The following CSMD1 variants were observed in gnomAD, a reference collection of about 807,000 sequenced individuals.
The protein encoded by CSMD1 is CUB and sushi domain-containing protein 1.
Under a neutral mutation model 417.5 loss-of-function variants are expected in CSMD1, and 213 were observed. That is an observed-to-expected ratio of 0.51 (90% CI 0.46 to 0.57). CSMD1 has a LOEUF of 0.57. Ranked by LOEUF, CSMD1 falls within the 20% of genes least tolerant of loss-of-function variation. The pLI, the probability that CSMD1 is intolerant of heterozygous loss-of-function variation, is 0.00. For missense variants in CSMD1, 6,923 were observed against 4,529.7 expected (o/e 1.53, Z -15.17); for synonymous variants, 2,862 against 1,736.8 (o/e 1.65, Z -16.11).
At chr8:3,863,691 G>A (rs1374678367) in intron 5 of CSMD1, among the ~76,000 whole-genome samples, 3 of 152,036 alleles carry the variant, frequency 2.0e-5, no homozygotes, top group Non-Finnish European at 4.4e-5. Context: ...TATGCTCAGT[G>A]AACAAAAGAA....
At chr8:4,629,001 T>C (rs1454769465) in intron 2 of CSMD1, among the ~76,000 whole-genome samples, 1 of 152,174 alleles carries the variant, frequency 6.6e-6, no homozygotes, top group Non-Finnish European at 1.5e-5. Flanking sequence ...AAATAAAATG[T>C]CATTGTTTTT....
intron 1 of CSMD1, among the ~76,000 whole-genome samples, chr8:4,804,187 T>G (rs1359442666): frequency 1.3e-5 from 2 of 152,170 alleles, no homozygotes; most frequent in African/African-American, 4.8e-5. Context: ...AATAATGAAT[T>G]AATTTTCAGG....
At chr8:4,011,079 G>T (rs1187263988) in intron 4 of CSMD1, among the ~76,000 whole-genome samples, 1 of 152,082 alleles carries the variant, frequency 6.6e-6, no homozygotes, top group Non-Finnish European at 1.5e-5. Context: ...GATGACTTTG[G>T]TTTCCATTTC....
chr8:3,034,498 T>C (rs1473940085), intron 50 of CSMD1, among the ~76,000 whole-genome samples: 2 of 152,190 alleles, frequency 1.3e-5, no homozygotes, highest in Non-Finnish European at 2.9e-5. Flanking sequence ...GAGGTACAAA[T>C]ATATATGTAT....
At chr8:4,599,301 C>G (rs1014908765) in intron 2 of CSMD1, among the ~76,000 whole-genome samples, 7 of 152,010 alleles carry the variant, frequency 4.6e-5, no homozygotes, top group African/African-American at 1.7e-4. Flanking sequence ...GATCATGTGG[C>G]TTCATTACTG....
At chr8:3,504,588 C>G (rs1234966705) in intron 10 of CSMD1, among the ~76,000 whole-genome samples, 2 of 152,198 alleles carry the variant, frequency 1.3e-5, no homozygotes, top group Non-Finnish European at 2.9e-5. Flanking sequence ...TATTTCAAAT[C>G]TCACGAGTCT....
At chr8:4,896,683 A>C (rs1023839844) in intron 1 of CSMD1, among the ~76,000 whole-genome samples, 1 of 152,138 alleles carries the variant, frequency 6.6e-6, no homozygotes, top group Non-Finnish European at 1.5e-5. Flanking sequence ...GAAGGATTGC[A>C]TACGTGCTGG....
chr8:4,622,156 G>A (rs906198967), intron 2 of CSMD1, among the ~76,000 whole-genome samples: 1 of 147,706 alleles, frequency 6.8e-6, no homozygotes, highest in Non-Finnish European at 1.5e-5. Flanking sequence ...TAAACGCAAA[G>A]AGGGGTAAAG....
intron 3 of CSMD1, among the ~76,000 whole-genome samples, chr8:4,199,291 C>T (rs775045393): frequency 6.6e-6 from 1 of 152,274 alleles, no homozygotes; most frequent in Non-Finnish European, 1.5e-5. Flanking sequence ...CATTGATATG[C>T]AGGCAGTGTA....
At chr8:4,297,804 A>G (rs768725910) in intron 3 of CSMD1, among the ~76,000 whole-genome samples, 1 of 152,196 alleles carries the variant, frequency 6.6e-6, no homozygotes, top group Non-Finnish European at 1.5e-5. Flanking sequence ...TTTTCAGTGA[A>G]TTATATAATT....
intron 3 of CSMD1, among the ~76,000 whole-genome samples, chr8:4,289,595 A>C (rs1313696723): frequency 3.3e-5 from 5 of 152,180 alleles, no homozygotes; most frequent in Admixed American, 1.3e-4. Flanking sequence ...TCTGGCAGTG[A>C]CGATGGTGCC....
At chr8:4,210,088 C>G (rs892074207) in intron 3 of CSMD1, among the ~76,000 whole-genome samples, 1 of 152,176 alleles carries the variant, frequency 6.6e-6, no homozygotes, top group Admixed American at 6.5e-5. Flanking sequence ...CTCACCAGCC[C>G]TGTACCAGGA....
At chr8:4,131,487 T>C (rs955297194) in intron 3 of CSMD1, among the ~76,000 whole-genome samples, 2 of 152,292 alleles carry the variant, frequency 1.3e-5, no homozygotes, top group South Asian at 2.1e-4. Context: ...TGAAACCAAA[T>C]ATTTTCCCCT....
chr8:3,677,451 A>C (rs773512927), intron 7 of CSMD1, among the ~76,000 whole-genome samples: 1 of 152,204 alleles, frequency 6.6e-6, no homozygotes, highest in African/African-American at 2.4e-5. Flanking sequence ...GGTTGTCAGG[A>C]AAGTCCTGGG....
At chr8:3,660,250 T>G (rs1183051788) in intron 7 of CSMD1, among the ~76,000 whole-genome samples, 1 of 152,156 alleles carries the variant, frequency 6.6e-6, no homozygotes, top group African/African-American at 2.4e-5. Context: ...GTCTGTGGGA[T>G]CTTGTATACA....
intron 52 of CSMD1, among the ~76,000 whole-genome samples, chr8:3,015,384 T>A (rs1227926805): frequency 6.6e-6 from 1 of 152,142 alleles, no homozygotes; most frequent in Non-Finnish European, 1.5e-5. Flanking sequence ...TTTTTCCTGA[T>A]TGGATGATTT....
At chr8:3,588,205 C>T (rs1800688953) in intron 8 of CSMD1, among the ~76,000 whole-genome samples, 1 of 152,048 alleles carries the variant, frequency 6.6e-6, no homozygotes, top group Non-Finnish European at 1.5e-5. Flanking sequence ...CATTGAACAT[C>T]TGCTATGTGT....
intron 3 of CSMD1, among the ~76,000 whole-genome samples, chr8:4,246,975 T>G (rs771310663): frequency 4.7e-4 from 71 of 152,166 alleles, no homozygotes; most frequent in Non-Finnish European, 8.4e-4. Flanking sequence ...TTAGACGAAG[T>G]AGAAATTTAT....
chr8:4,751,299 C>G (rs989600984), intron 1 of CSMD1, among the ~76,000 whole-genome samples: 2 of 151,904 alleles, frequency 1.3e-5, no homozygotes, highest in Non-Finnish European at 2.9e-5. Context: ...GCAGGAGAAT[C>G]GCTTGAACCC....
Sources: allele counts gnomAD v4.1 joint callset (sites outside exome capture counted in the v4.1 genomes callset), GRCh38; gene constraint gnomAD v4.1.1; transcripts MANE v1.5; gene names NCBI Gene and HGNC (gene_info 2026-07-23, HGNC 2026-07-21).